The following TSPAN15 variants were observed in gnomAD, a reference collection of about 807,000 sequenced individuals.
TSPAN15 encodes tetraspanin 15.
In TSPAN15, 20 loss-of-function variants were observed where a neutral mutation model predicts 34.5. The ratio of observed to expected loss-of-function variants is 0.58; its 90% CI spans 0.41 to 0.84. TSPAN15 has a LOEUF of 0.84. TSPAN15 is among the 40% of genes least tolerant of loss of function. TSPAN15 has a pLI of 0.00. For missense variants in TSPAN15, 313 were observed against 386.1 expected, an observed-to-expected ratio of 0.81 and a Z score of 1.59; for synonymous variants, 155 against 153.9, an observed-to-expected ratio of 1.01 and a Z score of -0.05.
chr10:69,472,209 T>C (rs551667902), intron 1 of TSPAN15, among the ~76,000 whole-genome samples: 2 of 152,306 alleles, frequency 1.3e-5, no homozygotes, highest in South Asian at 4.1e-4. Flanking sequence ...CCTCTGCCTG[T>C]CCTTGATTCC....
the TSPAN15 span, among the ~76,000 whole-genome samples, chr10:69,535,481 G>A: frequency 4.6e-5 from 7 of 152,298 alleles, no homozygotes; most frequent in African/African-American, 1.4e-4. Flanking sequence ...GAAGCAATGC[G>A]TTGTCTTAGA....
chr10:69,509,365 T>C (rs1669698487), downstream of TSPAN15, among the ~76,000 whole-genome samples: 1 of 152,180 alleles, frequency 6.6e-6, no homozygotes, highest in South Asian at 2.1e-4. Flanking sequence ...AATGGAAGCA[T>C]AAATATCTTA....
the TSPAN15 span, among the ~76,000 whole-genome samples, chr10:69,539,872 AAC>A: frequency 6.6e-6 from 1 of 151,972 alleles, no homozygotes; most frequent in Non-Finnish European, 1.5e-5. Flanking sequence ...GAAACCCAGA[AAC>A]ACATATATCA....
chr10:69,467,824 G>A (rs1841420685), intron 1 of TSPAN15, among the ~76,000 whole-genome samples: 1 of 152,030 alleles, frequency 6.6e-6, no homozygotes, highest in Non-Finnish European at 1.5e-5. Flanking sequence ...ATCTCTCATA[G>A]TGTCTTTAAA....
intron 1 of TSPAN15, among the ~76,000 whole-genome samples, chr10:69,478,236 G>A (rs750786610): frequency 6.6e-6 from 1 of 151,714 alleles, no homozygotes; most frequent in Non-Finnish European, 1.5e-5. Flanking sequence ...GATGGGCCTC[G>A]GGACAGAGGG....
the TSPAN15 span, among the ~76,000 whole-genome samples, chr10:69,539,464 G>GAAGGAGAAGAAGA: frequency 1.9e-5 from 1 of 51,368 alleles, no homozygotes; most frequent in East Asian, 7.8e-4. Context: ...GAAGAAGAAG[G>GAAGGAGAAGAAGA]AGAAGGAGAA....
At chr10:69,461,905 T>G (rs1564598654) in intron 1 of TSPAN15, among the ~76,000 whole-genome samples, 2 of 150,982 alleles carry the variant, frequency 1.3e-5, no homozygotes, top group African/African-American at 2.4e-5. Flanking sequence ...AGAACACATG[T>G]CCACCACCCC....
At chr10:69,486,099 A>C (rs1841847832) in intron 3 of TSPAN15, among the ~76,000 whole-genome samples, 1 of 152,188 alleles carries the variant, frequency 6.6e-6, no homozygotes, top group African/African-American at 2.4e-5. Context: ...ATTAGGGGAC[A>C]CCTAGCTCAC....
chr10:69,505,348 G>A (rs1050120394), intron 6 of TSPAN15, among the ~76,000 whole-genome samples: 1 of 152,234 alleles, frequency 6.6e-6, no homozygotes, highest in Non-Finnish European at 1.5e-5. Flanking sequence ...GCACTGATGT[G>A]AGGCATCCCT....
downstream of TSPAN15, among the ~76,000 whole-genome samples, chr10:69,509,975 A>C (rs1031998200): frequency 1.3e-5 from 2 of 152,190 alleles, no homozygotes; most frequent in African/African-American, 4.8e-5. Context: ...TGTTTTGGTT[A>C]CTGTGGCCTT....
At chr10:69,538,427 GAGTGGTT>G in the TSPAN15 span, among the ~76,000 whole-genome samples, 2 of 152,204 alleles carry the variant, frequency 1.3e-5, no homozygotes. Context: ...TGAAGATATT[GAGTGGTT>G]TTAGGCCCAG....
In TSPAN15 at chr10:69,507,127, C is replaced by G; in HGVS notation, c.*149C>G. ...TGTGTGTGCCTGTGTGTAGGTCCCA[C>G]GGCCTCTGCCTCCCCAGGGAGCAGA... is the stretch of plus-strand genomic sequence containing the variant. On this transcript the variant is annotated 3_prime_UTR_variant, in exon 8 of 8. Transcript: ENST00000373290. The G allele has an allele frequency of 2.1e-6, 3 of 1,452,270 alleles. No individual in the cohort carries two copies. The highest frequency in any genetic ancestry group is 5.1e-5 in the East Asian group (2 of 39,158). 90.0% of individuals were successfully genotyped at this position (1,452,270 alleles called of 1,614,324 possible).
At chr10:69,469,932 C>A (rs1242603446) in intron 1 of TSPAN15, among the ~76,000 whole-genome samples, 1 of 152,098 alleles carries the variant, frequency 6.6e-6, no homozygotes. Context: ...TGTACGACAC[C>A]CAGCTGGTCT....
In TSPAN15 at chr10:69,483,873, A is replaced by C. The variant is rs62625031; in HGVS notation, c.279A>C (p.Gln93His). The C allele has an allele frequency of 1.2e-6, 2 of 1,612,712 alleles. No homozygotes were observed. The highest frequency in any genetic ancestry group is 4.5e-5 in the East Asian group (2 of 44,810). ...TCCGTGACAACCTGTACCTTCTCCA[A>C]GCAGTGAGTGGACCACACCACCCCT... Reference protein sequence around the residue: ...ASLRDNLYLLQAFMYILGICL... With the variant: ...ASLRDNLYLLHAFMYILGICL... Residue 93 changes from glutamine (Q) to histidine (H), a missense_variant, in exon 2 of 8, where the codon CAA becomes CAC. Physicochemically the swap from Gln to His is conservative, Grantham distance 24. Transcript: ENST00000373290.
At chr10:69,517,484 A>T in the TSPAN15 span, among the ~76,000 whole-genome samples, 1 of 152,202 alleles carries the variant, frequency 6.6e-6, no homozygotes, top group African/African-American at 2.4e-5. Flanking sequence ...CCTCTGGGCA[A>T]GTCGGTGGAG....
At chr10:69,503,032 A>G (rs959552780) in intron 5 of TSPAN15, among the ~76,000 whole-genome samples, 7 of 152,224 alleles carry the variant, frequency 4.6e-5, no homozygotes, top group Admixed American at 2.0e-4. Flanking sequence ...TGAATGAACC[A>G]ATGAGATGGA....
the TSPAN15 span, among the ~76,000 whole-genome samples, chr10:69,515,587 C>G: frequency 2.6e-5 from 4 of 152,198 alleles, no homozygotes; most frequent in Non-Finnish European, 5.9e-5. Context: ...CTGCCAGCAA[C>G]CTCAGATCCT....
downstream of TSPAN15, among the ~76,000 whole-genome samples, chr10:69,511,701 T>A (rs1842416381): frequency 6.6e-6 from 1 of 152,218 alleles, no homozygotes; most frequent in Non-Finnish European, 1.5e-5. Context: ...CTTTCTCTTG[T>A]GGGCATTTAG....
chr10:69,533,194 A>G, the TSPAN15 span, among the ~76,000 whole-genome samples: 5 of 152,210 alleles, frequency 3.3e-5, no homozygotes, highest in Non-Finnish European at 7.3e-5. Flanking sequence ...AAGTCATTAT[A>G]TGAAAAAGAT....
Sources: gnomAD v4.1 joint callset for allele counts (sites outside exome capture counted in the v4.1 genomes callset) on GRCh38, gnomAD v4.1.1 for gene constraint, MANE v1.5 for transcripts, NCBI Gene and HGNC (gene_info 2026-07-23, HGNC 2026-07-21) for gene names.